ABLIM3: variants seen among roughly 807,000 people sequenced by gnomAD.
The protein encoded by ABLIM3 is actin-binding LIM protein 3.
A neutral mutation model predicts 109.5 loss-of-function variants in ABLIM3; 61 were observed. The observed-to-expected ratio is 0.56, with a 90% confidence interval of 0.45 to 0.69. The LOEUF (loss-of-function observed/expected upper bound fraction) is 0.69, where lower values mean the gene tolerates loss of function less well. Ranked by LOEUF, ABLIM3 falls within the 30% of genes least tolerant of loss-of-function variation. The pLI, the probability that ABLIM3 is intolerant of heterozygous loss-of-function variation, is 0.00. For synonymous variants in ABLIM3, 300 were observed against 324.8 expected (o/e 0.92, Z 0.82); for missense variants, 796 against 889.5 (o/e 0.89, Z 1.34).
At chr5:149,252,178 T>C in intron 21 of ABLIM3, 23 bp from the exon 22 acceptor site, 1 of 1,613,606 alleles carries the variant, frequency 6.2e-7, no homozygotes, top group Non-Finnish European at 8.5e-7. Context: ...ATTCTGTGTG[T>C]GTGTCTCTTT....
intron 8 of ABLIM3, among the ~76,000 whole-genome samples, chr5:149,229,346 C>CA (rs1312526914): frequency 2.0e-5 from 3 of 152,294 alleles, no homozygotes; most frequent in Admixed American, 1.3e-4. Flanking sequence ...CCACAAAAGA[C>CA]AAAACTGCCC....
intron 3 of ABLIM3, among the ~76,000 whole-genome samples, chr5:149,191,426 T>A (rs1198535881): frequency 6.6e-6 from 1 of 152,204 alleles, no homozygotes; most frequent in Non-Finnish European, 1.5e-5. Context: ...ATTGAATTTG[T>A]GAATTTGTAG....
intron 10 of ABLIM3, among the ~76,000 whole-genome samples, chr5:149,235,316 C>T (rs765291667): frequency 3.3e-5 from 5 of 152,224 alleles, no homozygotes; most frequent in Admixed American, 2.0e-4. Flanking sequence ...TTTTAATAGA[C>T]ATTTGAGATT....
At chr5:149,249,731 C>T in intron 18 of ABLIM3, 84 bp from the exon 19 acceptor site, 6 of 1,545,188 alleles carry the variant, frequency 3.9e-6, no homozygotes, top group Non-Finnish European at 5.4e-6. Flanking sequence ...GGTATGGAAG[C>T]CACATCTCTT....
chr5:149,224,339 C>G (rs778539854), intron 8 of ABLIM3, among the ~76,000 whole-genome samples: 8 of 152,098 alleles, frequency 5.3e-5, no homozygotes, highest in Non-Finnish European at 1.2e-4. Context: ...TCATCCTGCC[C>G]GATATCCTCC....
intron 10 of ABLIM3, among the ~76,000 whole-genome samples, chr5:149,236,113 G>A (rs1410765957): frequency 6.6e-6 from 1 of 152,168 alleles, no homozygotes; most frequent in Non-Finnish European, 1.5e-5. Context: ...CCAACTGAAA[G>A]TCAGAGAGCA....
intron 2 of ABLIM3, among the ~76,000 whole-genome samples, chr5:149,180,453 G>A (rs1007436877): frequency 2.0e-5 from 3 of 152,154 alleles, no homozygotes; most frequent in Non-Finnish European, 4.4e-5. Context: ...TTGGCTTCCA[G>A]GGCAGGAGCA....
rs111288298 is a variant in ABLIM3 at position 149,206,630 on chromosome 5, T to C, written c.449-378T>C. Among the ~76,000 whole-genome samples the C allele has an allele frequency of 9.8e-3, 1,488 of 152,158 alleles. 17 individuals are homozygous for C. Among genetic ancestry groups the C allele is most frequent in the African/African-American group, 0.034 (1,423 of 41,500 alleles). ...TAAAATTCAAGAGGTCTGGGTGGGG[T>C]CTGCAATGCTGCACACTGCCAGCTT... On this transcript the variant is annotated intron_variant, in intron 5 of 23. Coordinates refer to ENST00000309868, the MANE Select transcript of ABLIM3 (RefSeq NM_014945.5).
At chr5:149,223,346 C>A (rs959257684) in intron 8 of ABLIM3, among the ~76,000 whole-genome samples, 6 of 152,172 alleles carry the variant, frequency 3.9e-5, no homozygotes, top group African/African-American at 1.4e-4. Context: ...TCTAGAGTAG[C>A]AATTTCCCGG....
intron 8 of ABLIM3, among the ~76,000 whole-genome samples, chr5:149,222,353 G>C (rs978578187): frequency 6.6e-6 from 1 of 152,138 alleles, no homozygotes; most frequent in African/African-American, 2.4e-5. Context: ...GGCCTGTCTT[G>C]CTAGGGTTCT....
chr5:149,187,326 A>G (rs901373896), intron 3 of ABLIM3, among the ~76,000 whole-genome samples: 2 of 152,256 alleles, frequency 1.3e-5, no homozygotes, highest in Admixed American at 6.5e-5. Flanking sequence ...GCCGATCTTA[A>G]AAGTAGCCAG....
chr5:149,155,000 C>T (rs545566204), intron 2 of ABLIM3, among the ~76,000 whole-genome samples: 2 of 152,086 alleles, frequency 1.3e-5, no homozygotes, highest in Non-Finnish European at 2.9e-5. Context: ...AGTGATGGAG[C>T]CTTGAGTGAA....
intron 10 of ABLIM3, 54 bp downstream of exon 10, chr5:149,233,354 A>G (rs1179298472): frequency 1.3e-6 from 2 of 1,551,606 alleles, no homozygotes; most frequent in African/African-American, 2.7e-5. Flanking sequence ...GACCTGGTAT[A>G]TAAAGAGTCA....
At chr5:149,204,025 T>C (rs1267985907) in intron 5 of ABLIM3, among the ~76,000 whole-genome samples, 3 of 152,210 alleles carry the variant, frequency 2.0e-5, no homozygotes, top group Non-Finnish European at 4.4e-5. Flanking sequence ...ACCAGAGACA[T>C]GACTTGCAAC....
intron 6 of ABLIM3, among the ~76,000 whole-genome samples, chr5:149,209,399 G>C (rs1305165788): frequency 1.3e-5 from 2 of 152,216 alleles, no homozygotes; most frequent in African/African-American, 4.8e-5. Flanking sequence ...CTTGGCAAGG[G>C]ACTCCACTGC....
intron 22 of ABLIM3, 32 bp downstream of exon 22, chr5:149,252,240 C>T: frequency 6.2e-7 from 1 of 1,609,642 alleles, no homozygotes; most frequent in Non-Finnish European, 8.5e-7. Context: ...TGGGGGTCTC[C>T]AGGATTCTTG....
chr5:149,200,517 C>A, intron 5 of ABLIM3, 89 bp downstream of exon 5: 1 of 1,397,036 alleles, frequency 7.2e-7, no homozygotes, highest in Middle Eastern at 2.1e-4. Context: ...TCCCACGGGC[C>A]TGGAGGGAAG....
intron 2 of ABLIM3, among the ~76,000 whole-genome samples, chr5:149,145,811 G>A (rs1177338628): frequency 6.7e-6 from 1 of 149,258 alleles, no homozygotes; most frequent in Non-Finnish European, 1.5e-5. Flanking sequence ...TTTGAGATAA[G>A]GTCTGGCTCT....
chr5:149,241,818 A>G (rs553027388), intron 14 of ABLIM3, among the ~76,000 whole-genome samples: 6 of 152,314 alleles, frequency 3.9e-5, no homozygotes, highest in Admixed American at 3.9e-4. Context: ...CATCCCAGGC[A>G]GAGGGAAGAG....
Sources: gnomAD v4.1 joint callset for allele counts (sites outside exome capture counted in the v4.1 genomes callset) on GRCh38, gnomAD v4.1.1 for gene constraint, MANE v1.5 for transcripts, NCBI Gene and HGNC (gene_info 2026-07-23, HGNC 2026-07-21) for gene names.